KDM4C: variants seen among roughly 807,000 people sequenced by gnomAD.
The protein encoded by KDM4C is lysine-specific demethylase 4C.
A neutral mutation model predicts 129.3 loss-of-function variants in KDM4C; 81 were observed. That is an observed-to-expected ratio of 0.63 (90% CI 0.52 to 0.75). The LOEUF (loss-of-function observed/expected upper bound fraction) is 0.75, where lower values mean the gene tolerates loss of function less well. Ranked by LOEUF, KDM4C falls within the 30% of genes least tolerant of loss-of-function variation. The pLI is 0.00. For synonymous variants in KDM4C, 573 were observed against 456.1 expected (o/e 1.26, Z -3.26); for missense variants, 1,457 against 1,304.0 (o/e 1.12, Z -1.81).
intron 17 of KDM4C, among the ~76,000 whole-genome samples, chr9:7,090,180 A>G (rs1835631128): frequency 6.6e-6 from 1 of 152,238 alleles, no homozygotes; most frequent in African/African-American, 2.4e-5. Flanking sequence ...ACCTCTTCAG[A>G]GCTTCCTGTT....
intron 5 of KDM4C, among the ~76,000 whole-genome samples, chr9:6,856,481 G>A (rs912015944): frequency 2.0e-5 from 3 of 151,338 alleles, no homozygotes; most frequent in African/African-American, 7.3e-5. Flanking sequence ...TTAAGTTGAA[G>A]TAATAAAATT....
At chr9:7,122,875 T>C (rs2133306669) in intron 18 of KDM4C, among the ~76,000 whole-genome samples, 1 of 152,322 alleles carries the variant, frequency 6.6e-6, no homozygotes, top group Non-Finnish European at 1.5e-5. Flanking sequence ...ACCATAGCCA[T>C]TTCTTTAATC....
At chr9:6,743,732 C>T (rs1442713734) in intron 1 of KDM4C, among the ~76,000 whole-genome samples, 1 of 151,970 alleles carries the variant, frequency 6.6e-6, no homozygotes, top group East Asian at 1.9e-4. Flanking sequence ...GTTTGGAACT[C>T]CTGGTCTCAA....
intron 5 of KDM4C, among the ~76,000 whole-genome samples, chr9:6,872,948 CAG>C (rs1197292911): frequency 6.6e-6 from 1 of 152,118 alleles, no homozygotes; most frequent in African/African-American, 2.4e-5. Flanking sequence ...TTCTTTAAGA[CAG>C]AGTTTCGCTC....
chr9:7,142,083 T>C (rs1841801974), intron 19 of KDM4C, among the ~76,000 whole-genome samples: 1 of 152,246 alleles, frequency 6.6e-6, no homozygotes, highest in South Asian at 2.1e-4. Flanking sequence ...TTTATCCCTC[T>C]TGAATTTGGC....
chr9:7,038,436 A>C (rs527301392), intron 15 of KDM4C, among the ~76,000 whole-genome samples: 49 of 152,154 alleles, frequency 3.2e-4, no homozygotes, highest in African/African-American at 1.2e-3. Context: ...AACTTTCCTT[A>C]GTGTTTTCCC....
chr9:6,872,907 G>C (rs1842983696), intron 5 of KDM4C, among the ~76,000 whole-genome samples: 1 of 152,156 alleles, frequency 6.6e-6, no homozygotes, highest in Non-Finnish European at 1.5e-5. Flanking sequence ...TAACAATAGA[G>C]TTCTACCTGT....
At chr9:6,899,185 T>A (rs961768768) in intron 8 of KDM4C, among the ~76,000 whole-genome samples, 8 of 152,074 alleles carry the variant, frequency 5.3e-5, no homozygotes, top group Non-Finnish European at 1.0e-4. Flanking sequence ...TAAGAGCATC[T>A]ATAGGTTCAC....
intron 19 of KDM4C, among the ~76,000 whole-genome samples, chr9:7,146,965 C>T (rs722629): frequency 6.6e-6 from 1 of 152,032 alleles, no homozygotes; most frequent in African/African-American, 2.4e-5. Context: ...GGTTTTGTCT[C>T]CTCCCTATCC....
intron 4 of KDM4C, among the ~76,000 whole-genome samples, chr9:6,847,044 TG>T (rs1420513117): frequency 6.6e-6 from 1 of 152,184 alleles, no homozygotes; most frequent in Non-Finnish European, 1.5e-5. Flanking sequence ...CCTCATACCA[TG>T]GGTCTAGGAT....
intron 17 of KDM4C, among the ~76,000 whole-genome samples, chr9:7,051,854 T>C (rs1339247524): frequency 1.3e-5 from 2 of 152,168 alleles, no homozygotes; most frequent in Admixed American, 6.5e-5. Context: ...TCAGACACAG[T>C]TTTTGTTCTG....
intron 12 of KDM4C, among the ~76,000 whole-genome samples, chr9:7,003,189 C>G: frequency 6.6e-6 from 1 of 152,126 alleles, no homozygotes; most frequent in East Asian, 1.9e-4. Flanking sequence ...CTAACAACCT[C>G]CCAAAATAGC....
At chr9:6,890,448 T>G (rs1184128892) in intron 7 of KDM4C, among the ~76,000 whole-genome samples, 9 of 152,188 alleles carry the variant, frequency 5.9e-5, no homozygotes, top group Non-Finnish European at 1.3e-4. Context: ...CTTCTTTCAT[T>G]GTATTTGCCA....
chr9:6,868,319 T>A (rs969200061), intron 5 of KDM4C, among the ~76,000 whole-genome samples: 1 of 152,104 alleles, frequency 6.6e-6, no homozygotes, highest in Non-Finnish European at 1.5e-5. Flanking sequence ...GAGGAAAATA[T>A]CCTCACGTGA....
chr9:6,967,197 G>C (rs1245780740), intron 8 of KDM4C, among the ~76,000 whole-genome samples: 1 of 152,166 alleles, frequency 6.6e-6, no homozygotes, highest in African/African-American at 2.4e-5. Context: ...GCCAAGGCAG[G>C]CGGATCACTT....
intron 15 of KDM4C, among the ~76,000 whole-genome samples, chr9:7,027,063 CTG>C (rs2132317140): frequency 6.6e-6 from 1 of 152,178 alleles, no homozygotes; most frequent in Admixed American, 6.5e-5. Flanking sequence ...GGTCACATAT[CTG>C]TGTTTCTCCA....
At chr9:6,963,687 A>T (rs1830403030) in intron 8 of KDM4C, among the ~76,000 whole-genome samples, 1 of 152,248 alleles carries the variant, frequency 6.6e-6, no homozygotes, top group South Asian at 2.1e-4. Context: ...TATGAGATCC[A>T]TTCCTTCTCT....
At chr9:6,969,825 A>G (rs938213706) in intron 8 of KDM4C, among the ~76,000 whole-genome samples, 1 of 152,226 alleles carries the variant, frequency 6.6e-6, no homozygotes, top group Non-Finnish European at 1.5e-5. Flanking sequence ...AGCTGGTCCT[A>G]TGGGTAAACA....
At chr9:7,107,629 G>GT (rs1209774721) in intron 18 of KDM4C, among the ~76,000 whole-genome samples, 1 of 152,184 alleles carries the variant, frequency 6.6e-6, no homozygotes, top group African/African-American at 2.4e-5. Flanking sequence ...GGTACATAGT[G>GT]TTTTTTCTTA....
Sources: gnomAD v4.1 joint callset for allele counts (sites outside exome capture counted in the v4.1 genomes callset) on GRCh38, gnomAD v4.1.1 for gene constraint, MANE v1.5 for transcripts, NCBI Gene and HGNC (gene_info 2026-07-23, HGNC 2026-07-21) for gene names.